Variants in CRHR1 observed in about 807,000 individuals in gnomAD.
CRHR1 encodes the protein corticotropin releasing hormone receptor 1, also known as corticotropin-releasing hormone receptor 1.
CRHR1 carries 28 observed loss-of-function variants against 56.0 expected under a neutral mutation model. That is an observed-to-expected ratio of 0.50 (90% CI 0.37 to 0.69). The LOEUF is 0.69. Among genes scored for constraint, CRHR1 ranks in the 30% least tolerant of loss-of-function variants. CRHR1 has a pLI of 0.00. For synonymous variants in CRHR1, 195 were observed against 216.5 expected (o/e 0.90, Z 0.87); for missense variants, 376 against 548.0 (o/e 0.69, Z 3.13).
chr17:45,833,913 G>C (rs2062378114), intron 11 of CRHR1, 64 bp downstream of exon 11: 1 of 1,612,532 alleles, frequency 6.2e-7, no homozygotes, highest in South Asian at 1.1e-5. Flanking sequence ...CAGAGGCCTG[G>C]AGGGCAGGAG....
At chr17:45,785,108 A>G (rs1332615545) in intron 1 of CRHR1, among the ~76,000 whole-genome samples, 2 of 152,118 alleles carry the variant, frequency 1.3e-5, no homozygotes, top group Non-Finnish European at 2.9e-5. Context: ...CCCTTGATCA[A>G]TATCGCAGTC....
chr17:45,800,210 C>T (rs2061597362), intron 1 of CRHR1: 1 of 152,264 alleles, frequency 6.6e-6, no homozygotes, highest in Non-Finnish European at 1.5e-5. Context: ...AATGAAGGAT[C>T]CCAGACCACC....
Position 45,830,443 on chromosome 17 carries a change from C to G in CRHR1, c.582C>G (p.Ala194=), listed in dbSNP as rs1185872091. ...NVGWCRLVTA[A]YNYFHVTNFF... ...GCTGGTGCAGGTTGGTGACAGCCGC[C>G]TACAACTACTTCCATGTGACCAACT... The change falls in exon 7 of 13, where the codon GCC becomes GCG. Residue 194 remains alanine, a synonymous_variant. Coordinates refer to ENST00000314537, the MANE Select transcript of CRHR1 (RefSeq NM_004382.5). The G allele has an allele frequency of 6.2e-7, 1 of 1,612,998 alleles. No individual in the cohort carries two copies. Among genetic ancestry groups the G allele is most frequent in the East Asian group, 2.2e-5 (1 of 44,884 alleles).
chr17:45,827,323 C>T (rs2062185988), intron 4 of CRHR1, among the ~76,000 whole-genome samples: 1 of 152,218 alleles, frequency 6.6e-6, no homozygotes, highest in Non-Finnish European at 1.5e-5. Context: ...GCGCTCCTCC[C>T]GCCCAGCCTG....
chr17:45,797,237 C>T (rs1306531365), intron 1 of CRHR1, among the ~76,000 whole-genome samples: 3 of 149,606 alleles, frequency 2.0e-5, no homozygotes, highest in Non-Finnish European at 4.4e-5. Flanking sequence ...ACCATTTGTG[C>T]GGCCTGCGCA....
intron 4 of CRHR1, chr17:45,827,763 T>TA (rs1344652118): frequency 5.9e-5 from 9 of 152,298 alleles, no homozygotes; most frequent in African/African-American, 1.7e-4. Context: ...AGGGCCTTGG[T>TA]GGCCGGGCGG....
Position 45,830,108 on chromosome 17 carries a change from T to C in CRHR1, c.449T>C (p.Leu150Pro). The change falls in exon 6 of 13, where the codon CTG (leucine) becomes CCG (proline). Residue 150 changes from leucine (L) to proline (P), a missense_variant. By Grantham distance (98) the Leu-to-Pro change is moderately conservative. This residue lies in a region of CRHR1 where 369 missense variants were observed against 519.5 expected (regional missense o/e 0.71). Coordinates refer to ENST00000314537, the MANE Select transcript of CRHR1 (RefSeq NM_004382.5). ...LFLRLRSIRCLRNIIHWNLIS... is the reference protein window; with the variant it reads ...LFLRLRSIRCPRNIIHWNLIS... ...TGCTGCACCAGGAGCATCCGGTGCC[T>C]GCGAAACATCATCCACTGGAACCTC... The C allele has an allele frequency of 1.2e-6, 2 of 1,614,072 alleles. No homozygotes were observed. Among genetic ancestry groups the C allele is most frequent in the South Asian group, 1.1e-5 (1 of 91,078 alleles).
chr17:45,834,963 A>G lies in CRHR1; in HGVS notation c.*199A>G. 1 of 704,382 alleles carries G rather than the reference A, an allele frequency of 1.4e-6. No individual in the cohort carries two copies. The highest frequency in any genetic ancestry group is 2.0e-5 in the South Asian group (1 of 50,076). 43.6% of individuals were successfully genotyped at this position (704,382 alleles called of 1,614,324 possible). On this transcript the variant is annotated 3_prime_UTR_variant, in exon 13 of 13. Transcript: ENST00000314537. ...CTAGCTCATGAGTGGAAAGTCACCT[A>G]CAGGACTGGGCCGGGCCCAGGGCCT...
chr17:45,791,646 C>T (rs571897318), intron 1 of CRHR1, among the ~76,000 whole-genome samples: 9 of 151,960 alleles, frequency 5.9e-5, no homozygotes, highest in Admixed American at 3.9e-4. Context: ...CCTGGGTGCC[C>T]GAAGCCGTCC....
At chr17:45,790,521 A>T (rs1209027351) in intron 1 of CRHR1, among the ~76,000 whole-genome samples, 3 of 152,202 alleles carry the variant, frequency 2.0e-5, no homozygotes, top group African/African-American at 7.2e-5. Flanking sequence ...TCTGGGACAA[A>T]TGAAGATGTT....
At chr17:45,821,312 CCG>C in intron 3 of CRHR1, 41 bp from the exon 4 acceptor site, 1 of 1,570,838 alleles carries the variant, frequency 6.4e-7, no homozygotes, top group African/African-American at 1.3e-5. Context: ...CAGGCAGGGG[CCG>C]GGGCTGCCCC....
At chr17:45,785,971 G>T (rs1464724384) in intron 1 of CRHR1, among the ~76,000 whole-genome samples, 2 of 152,176 alleles carry the variant, frequency 1.3e-5, no homozygotes, top group Non-Finnish European at 2.9e-5. Context: ...GAAGGTAGAA[G>T]AAAAACATCC....
At chr17:45,798,528 GAAA>G (rs77104565) in intron 1 of CRHR1, among the ~76,000 whole-genome samples, 1 of 113,622 alleles carries the variant, frequency 8.8e-6, no homozygotes, top group Non-Finnish European at 1.8e-5. Context: ...TCCGTCTCGG[GAAA>G]AAAAAAAAAA....
At chr17:45,792,695 T>C (rs986421896) in intron 1 of CRHR1, among the ~76,000 whole-genome samples, 1 of 152,218 alleles carries the variant, frequency 6.6e-6, no homozygotes, top group Non-Finnish European at 1.5e-5. Context: ...TGTTCCTTTG[T>C]TCTCACCTCA....
chr17:45,794,260 G>A (rs150000141), intron 1 of CRHR1, among the ~76,000 whole-genome samples: 79 of 152,372 alleles, frequency 5.2e-4, no homozygotes, highest in South Asian at 2.9e-3. Flanking sequence ...GGATGTCACC[G>A]CAGGGATGGA....
At chr17:45,808,564 G>A (rs1700634363) in intron 2 of CRHR1, among the ~76,000 whole-genome samples, 1 of 152,222 alleles carries the variant, frequency 6.6e-6, no homozygotes, top group South Asian at 2.1e-4. Flanking sequence ...GAGATTCAAT[G>A]TACTAAGTTT....
At chr17:45,789,559 A>G (rs1008970644) in intron 1 of CRHR1, among the ~76,000 whole-genome samples, 7 of 151,612 alleles carry the variant, frequency 4.6e-5, no homozygotes, top group African/African-American at 1.7e-4. Context: ...TTTTGTAGAA[A>G]CGGTCTTGCC....
chr17:45,791,821 C>T (rs563306138), intron 1 of CRHR1, among the ~76,000 whole-genome samples: 275 of 131,084 alleles, frequency 2.1e-3, no homozygotes, highest in African/African-American at 6.4e-3. Flanking sequence ...GCATTTTTTT[C>T]TCTCTCTCTC....
intron 1 of CRHR1, among the ~76,000 whole-genome samples, chr17:45,797,283 C>CTTTTTT (rs899983592): frequency 1.8e-3 from 172 of 94,906 alleles, no homozygotes; most frequent in African/African-American, 5.0e-3. Flanking sequence ...TTCTTTCTTT[C>CTTTTTT]TTTTTTTTTT....
Sources: allele counts gnomAD v4.1 joint callset (sites outside exome capture counted in the v4.1 genomes callset), GRCh38; gene constraint gnomAD v4.1.1; regional missense constraint gnomAD v4.1.1; transcripts MANE v1.5; gene names NCBI Gene and HGNC (gene_info 2026-07-23, HGNC 2026-07-21).